The following NCAPD2 variants were observed in gnomAD, a reference collection of about 807,000 sequenced individuals.
NCAPD2 encodes condensin complex subunit 1.
In NCAPD2, 100 loss-of-function variants were observed where a neutral mutation model predicts 164.5. That is an observed-to-expected ratio of 0.61 (90% CI 0.52 to 0.72). NCAPD2 has a LOEUF of 0.72. Ranked by LOEUF, NCAPD2 falls within the 30% of genes least tolerant of loss-of-function variation. The pLI is 0.00. For synonymous variants in NCAPD2, 585 were observed against 642.6 expected (o/e 0.91, Z 1.36); for missense variants, 1,560 against 1,749.2 (o/e 0.89, Z 1.93).
chr12:6,515,055 T>A lies in NCAPD2; in HGVS notation c.987+135T>A, dbSNP rs545548404. On this transcript the variant is annotated intron_variant, in intron 9 of 31. Transcript: ENST00000315579. ...TTATCATTGTGACATTTCCTTTCTG[T>A]AGAGAAGCAGGTCAAGTTTGTTGAA... The A allele has an allele frequency of 5.2e-6, 5 of 967,010 alleles. No homozygotes were observed. In the African/African-American group the frequency reaches 6.5e-5, roughly 13 times the overall value. The allele number at this position is 967,010 out of a possible 1,614,324, so 59.9% of individuals were successfully genotyped here. A position where few individuals can be genotyped will look rare whatever the true frequency, so the allele number is the denominator to read the frequency against.
At chr12:6,504,206 T>G (rs764996321) in intron 2 of NCAPD2, among the ~76,000 whole-genome samples, 11 of 25,238 alleles carry the variant, frequency 4.4e-4, no homozygotes, top group East Asian at 1.6e-3. Context: ...TATATATATA[T>G]ATATATATAT....
intron 2 of NCAPD2, among the ~76,000 whole-genome samples, chr12:6,509,051 A>T (rs1403738043): frequency 6.6e-6 from 1 of 151,956 alleles, no homozygotes. Context: ...CCTGAAGCAG[A>T]AAAAGGACAC....
intron 2 of NCAPD2, among the ~76,000 whole-genome samples, chr12:6,504,182 C>CATATATATATATATATATATATATATAT (rs1176237960): frequency 1.7e-5 from 1 of 57,758 alleles, no homozygotes; most frequent in Admixed American, 2.2e-4. Context: ...TATATATATA[C>CATATATATATATATATATATATATATAT]ATATATATAT....
intron 6 of NCAPD2, among the ~76,000 whole-genome samples, chr12:6,512,115 A>G (rs1946154496): frequency 6.6e-6 from 1 of 151,120 alleles, no homozygotes; most frequent in Non-Finnish European, 1.5e-5. Flanking sequence ...TAAAAATACA[A>G]AAAAAAATTA....
chr12:6,504,037 G>T (rs1946065220), intron 2 of NCAPD2, among the ~76,000 whole-genome samples: 1 of 151,542 alleles, frequency 6.6e-6, no homozygotes, highest in Non-Finnish European at 1.5e-5. Flanking sequence ...CCTCCCATTA[G>T]ACTCCACCTT....
In NCAPD2 at chr12:6,517,894, C is replaced by CA; in HGVS notation, c.1526dup (p.Asn509LysfsTer6). 1 of 1,614,100 alleles carries CA rather than the reference C, an allele frequency of 6.2e-7. No homozygotes were observed. Among genetic ancestry groups the CA allele is most frequent in the Non-Finnish European group, 8.5e-7 (1 of 1,180,032 alleles). ...AGGAGGAGATTCCTGAGCAAATTGC[C>CA]AATACAGAGACAACTGAAGATGTGA... On this transcript the variant is annotated frameshift_variant, in exon 13 of 32. Coordinates refer to ENST00000315579, the MANE Select transcript of NCAPD2 (RefSeq NM_014865.4). LOFTEE classifies it high-confidence loss of function.
intron 2 of NCAPD2, among the ~76,000 whole-genome samples, chr12:6,504,234 T>TACAC (rs143433958): frequency 9.2e-6 from 1 of 108,232 alleles, no homozygotes; most frequent in African/African-American, 3.2e-5. Flanking sequence ...GATATATATA[T>TACAC]ATATATATAC....
intron 2 of NCAPD2, among the ~76,000 whole-genome samples, chr12:6,503,815 T>C (rs1468029708): frequency 2.8e-4 from 40 of 143,668 alleles, no homozygotes; most frequent in African/African-American, 1.1e-3. Context: ...CCGTCTCTAC[T>C]AAAAAATAGA....
In NCAPD2 at chr12:6,527,016, G is replaced by A. The variant is rs753785916; in HGVS notation, c.2860G>A (p.Val954Ile). Residue 954 changes from valine to isoleucine, a missense_variant, in exon 22 of 32, where the codon GTT (valine) becomes ATT (isoleucine). Transcript: ENST00000315579. ...GAGTGGAGAGCTCTGCCGGCGCCGA[G>A]TTCTCCGGGAAGAACAGGAGCACAA... is the stretch of plus-strand genomic sequence containing the variant. Reference protein sequence around the residue: ...AVSGELCRRRVLREEQEHKTK... With the variant: ...AVSGELCRRRILREEQEHKTK... The A allele has an allele frequency of 8.7e-6, 14 of 1,614,036 alleles. No individual in the cohort carries two copies. The highest frequency in any genetic ancestry group is 1.1e-5 in the Non-Finnish European group (13 of 1,179,938).
intron 2 of NCAPD2, among the ~76,000 whole-genome samples, chr12:6,498,384 C>A (rs900279653): frequency 1.3e-5 from 2 of 152,142 alleles, no homozygotes; most frequent in African/African-American, 2.4e-5. Context: ...GTAAACAAAA[C>A]AGACAAAATG....
At position 6,531,625 on chromosome 12, in the gene NCAPD2, G is replaced by A. The variant is rs1221078705; in HGVS notation, c.*213G>A. 2 of 853,948 alleles carry A rather than the reference G, an allele frequency of 2.3e-6. No homozygotes were observed. Among genetic ancestry groups the A allele is most frequent in the Non-Finnish European group, 3.5e-6 (2 of 570,512 alleles). The allele number at this position is 853,948 out of a possible 1,614,324, so 52.9% of individuals were successfully genotyped here. ...GTTCGAGACCAGCCTGACCAACATG[G>A]AGAAACCCCATCTCTACTAAAAATA... On this transcript the variant is annotated 3_prime_UTR_variant, in exon 32 of 32. Transcript: ENST00000315579. The surrounding 1 kb of genome is among the most constrained non-coding windows in gnomAD (Gnocchi z 4.1).
At chr12:6,508,204 C>CCCAG (rs1480033742) in intron 2 of NCAPD2, among the ~76,000 whole-genome samples, 2 of 151,884 alleles carry the variant, frequency 1.3e-5, no homozygotes, top group East Asian at 3.9e-4. Flanking sequence ...CACCTGTAGT[C>CCCAG]CTAGCTACGT....
rs1239565367 is a variant in NCAPD2, at chr12:6,518,512, T to TTTTTTTG, written c.1589+559_1589+560insGTTTTTT. On this transcript the variant is annotated intron_variant, in intron 13 of 31. Coordinates refer to ENST00000315579, the MANE Select transcript of NCAPD2 (RefSeq NM_014865.4). Reference sequence around the variant, plus strand: ...CTTACAGCCGTCAACAAGTTTTTTTTTTTTTTTTTTTTTTTTTTTTTTGAG... The same window carrying TTTTTTTG: ...CTTACAGCCGTCAACAAGTTTTTTTTTTTTTTGTTTTTTTTTTTTTTTTTTTTTTGAG... Among the ~76,000 whole-genome samples, 150 of 103,516 alleles carry TTTTTTTG rather than the reference T, an allele frequency of 1.4e-3. 8 individuals are homozygous for TTTTTTTG. The highest frequency in any genetic ancestry group is 2.6e-3 in the Non-Finnish European group (136 of 52,144). The allele number at this position is 103,516 out of a possible 152,430, so 67.9% of individuals were successfully genotyped here.
In NCAPD2 at chr12:6,530,788, G is replaced by A. The variant is rs1303293740; in HGVS notation, c.3935G>A (p.Arg1312Lys). ...ELEIGQAGSQ[R>K]APSAKKPSTG... The stretch of plus-strand genomic sequence containing the variant: ...GAGATTGGCCAAGCAGGTAGCCAGA[G>A]AGCGCCATCAGCCAAGAAACCATCC... Residue 1312 changes from arginine (R) to lysine (K), a missense_variant, in exon 30 of 32, where the codon AGA becomes AAA. By Grantham distance (26) the Arg-to-Lys change is conservative. Coordinates refer to ENST00000315579, the MANE Select transcript of NCAPD2 (RefSeq NM_014865.4). The A allele has an allele frequency of 1.2e-6, 2 of 1,614,192 alleles. No individual in the cohort carries two copies. The highest frequency in any genetic ancestry group is 1.7e-6 in the Non-Finnish European group (2 of 1,180,038).
intron 2 of NCAPD2, among the ~76,000 whole-genome samples, chr12:6,499,394 TTTG>T (rs1209461634): frequency 6.6e-6 from 1 of 151,920 alleles, no homozygotes; most frequent in African/African-American, 2.4e-5. Flanking sequence ...GGGGGGTTTT[TTTG>T]TTGTTCTGGA....
At position 6,531,172 on chromosome 12, in the gene NCAPD2, A is replaced by T; in HGVS notation, c.4120+96A>T. ...ACCTGCTGCGGGGGCCTGAGTGTAG[A>T]TGCTCTGCCCCACTGCCGCAGAAGG... On this transcript the variant is annotated intron_variant, in intron 31 of 31. Transcript: ENST00000315579. This position sits in a 1 kb window ranked among gnomAD's most constrained non-coding sequence, Gnocchi z 4.1. 6.5e-7 allele frequency: 1 copy of T among 1,538,664 alleles called. No homozygotes were observed. The highest frequency in any genetic ancestry group is 8.9e-7 in the Non-Finnish European group (1 of 1,124,120).
chr12:6,528,292 A>T lies in NCAPD2; in HGVS notation c.3263A>T (p.Asn1088Ile). The T allele has an allele frequency of 6.2e-7, 1 of 1,613,704 alleles. No individual in the cohort carries two copies. Among genetic ancestry groups the T allele is most frequent in the Non-Finnish European group, 8.5e-7 (1 of 1,179,942 alleles). ...ATGDLAIRFP[N>I]LVDPWTPHLY... ...GGGGATCTGGCCATCCGCTTTCCCA[A>T]TCTGGTGGACCCCTGGACTCCTCAT... is the stretch of plus-strand genomic sequence containing the variant. The change falls in exon 25 of 32, where the codon AAT becomes ATT. Residue 1088 changes from asparagine (N) to isoleucine (I), a missense_variant. Transcript: ENST00000315579. The surrounding 1 kb of genome is among the most constrained non-coding windows in gnomAD (Gnocchi z 5.1).
chr12:6,509,156 G>T (rs1439802528), intron 2 of NCAPD2, among the ~76,000 whole-genome samples: 1 of 152,012 alleles, frequency 6.6e-6, no homozygotes. Context: ...ACTACTCTAA[G>T]GTGTAAAGTA....
At chr12:6,504,202 T>TACAC (rs1167298270) in intron 2 of NCAPD2, among the ~76,000 whole-genome samples, 1 of 22,030 alleles carries the variant, frequency 4.5e-5, no homozygotes, top group African/African-American at 4.6e-4. Context: ...TATATATATA[T>TACAC]ATATATATAT....
Sources: gnomAD v4.1 joint callset for allele counts (sites outside exome capture counted in the v4.1 genomes callset) on GRCh38, gnomAD v4.1.1 for gene constraint, Gnocchi (gnomAD v3.1) non-coding constraint, MANE v1.5 for transcripts, NCBI Gene and HGNC (gene_info 2026-07-23, HGNC 2026-07-21) for gene names.